The following ADAMTS12 variants were observed in gnomAD, a reference collection of about 807,000 sequenced individuals.
ADAMTS12 encodes the protein ADAM metallopeptidase with thrombospondin type 1 motif 12, also known as A disintegrin and metalloproteinase with thrombospondin motifs 12.
A neutral mutation model predicts 167.8 loss-of-function variants in ADAMTS12; 118 were observed. The observed-to-expected ratio is 0.70, with a 90% confidence interval of 0.61 to 0.82. The LOEUF is 0.82. Ranked by LOEUF, ADAMTS12 falls within the 40% of genes least tolerant of loss-of-function variation. ADAMTS12 has a pLI of 0.00. For missense variants in ADAMTS12, 1,916 were observed against 1,998.8 expected, an observed-to-expected ratio of 0.96 and a Z score of 0.79; for synonymous variants, 704 against 716.9, an observed-to-expected ratio of 0.98 and a Z score of 0.29.
chr5:33,550,559 T>G (rs184011407), intron 20 of ADAMTS12, among the ~76,000 whole-genome samples: 1 of 152,294 alleles, frequency 6.6e-6, no homozygotes, highest in East Asian at 1.9e-4. Context: ...ATGTCCTGAA[T>G]GTTCCTTCCT....
chr5:33,736,892 CAG>C (rs1744394941), intron 3 of ADAMTS12, among the ~76,000 whole-genome samples: 1 of 152,184 alleles, frequency 6.6e-6, no homozygotes, highest in Non-Finnish European at 1.5e-5. Flanking sequence ...AAGTTCTAAA[CAG>C]ACTGTCAGCA....
chr5:33,804,666 T>A (rs1747153571), intron 2 of ADAMTS12, among the ~76,000 whole-genome samples: 1 of 152,156 alleles, frequency 6.6e-6, no homozygotes, highest in South Asian at 2.1e-4. Context: ...TGATAAAATA[T>A]TTGCAATGCA....
chr5:33,772,101 C>T (rs963584785), intron 2 of ADAMTS12, among the ~76,000 whole-genome samples: 1 of 152,114 alleles, frequency 6.6e-6, no homozygotes, highest in Non-Finnish European at 1.5e-5. Flanking sequence ...AGGTGATATC[C>T]TCTCTGCGGC....
intron 20 of ADAMTS12, among the ~76,000 whole-genome samples, chr5:33,552,724 C>T (rs457359): frequency 0.66 from 100,803 of 152,024 alleles, 34,474 homozygotes; most frequent in African/African-American, 0.83. Context: ...GATCTGTTGG[C>T]CCATGTGTCT....
chr5:33,573,305 C>T (rs1307178), intron 19 of ADAMTS12, among the ~76,000 whole-genome samples: 1 of 152,128 alleles, frequency 6.6e-6, no homozygotes, highest in Non-Finnish European at 1.5e-5. Context: ...AATCCTAAGC[C>T]AAAAGAACAA....
rs1012630006 is a variant in ADAMTS12 at position 33,798,538 on chromosome 5, T to C, written c.490-46990A>G. On this transcript the variant is annotated intron_variant, in intron 2 of 23. Coordinates refer to ENST00000504830, the MANE Select transcript of ADAMTS12 (RefSeq NM_030955.4). ...TCACTGCAATCTCCGCCTCCCGGGTTTAAGTGATTCTCCCACCTCAGCCTC... is the reference window on the plus strand; with the variant it reads ...TCACTGCAATCTCCGCCTCCCGGGTCTAAGTGATTCTCCCACCTCAGCCTC... Among the ~76,000 whole-genome samples, 11 of 150,978 alleles carry C rather than the reference T, an allele frequency of 7.3e-5. 1 individual carries two copies. The highest frequency in any genetic ancestry group is 2.0e-4 in the East Asian group (1 of 5,068).
Position 33,882,434 on chromosome 5 carries a change from C to A in ADAMTS12, c.128-954G>T, listed in dbSNP as rs544436510. Among the ~76,000 whole-genome samples, 4 of 152,310 alleles carry A rather than the reference C, an allele frequency of 2.6e-5. No individual in the cohort carries two copies. The South Asian group carries it at 8.3e-4, about 32-fold the overall frequency. On this transcript the variant is annotated intron_variant, in intron 1 of 23. Transcript: ENST00000504830. ...AAGACTGGAACCCTTGATCCTTCCC[C>A]ACACAAGAACACATACACATTTTGA...
intron 2 of ADAMTS12, among the ~76,000 whole-genome samples, chr5:33,812,701 G>A (rs534845864): frequency 1.3e-5 from 2 of 152,252 alleles, no homozygotes; most frequent in South Asian, 2.1e-4. Context: ...TATAACAATG[G>A]TTCATATATT....
chr5:33,881,536 C>T, intron 1 of ADAMTS12, 56 bp from the exon 2 acceptor site: 1 of 1,548,906 alleles, frequency 6.5e-7, no homozygotes, highest in Non-Finnish European at 8.6e-7. Context: ...TAAAGCAAAG[C>T]CACTTTCGTT....
chr5:33,631,670 A>G (rs145492958), intron 12 of ADAMTS12, among the ~76,000 whole-genome samples: 78 of 152,352 alleles, frequency 5.1e-4, no homozygotes, highest in African/African-American at 1.7e-3. Context: ...AGAAAGATAG[A>G]TAACATTTAA....
intron 22 of ADAMTS12, among the ~76,000 whole-genome samples, 200 bp downstream of exon 22, chr5:33,545,859 C>T (rs1468326262): frequency 2.2e-4 from 7 of 31,184 alleles, no homozygotes; most frequent in Admixed American, 3.4e-4. Flanking sequence ...TGGGGCCTGT[C>T]GGGGGGTGGG....
At chr5:33,777,551 TGACAGGCCCTCA>T (rs1745958039) in intron 2 of ADAMTS12, among the ~76,000 whole-genome samples, 1 of 152,132 alleles carries the variant, frequency 6.6e-6, no homozygotes, top group African/African-American at 2.4e-5. Flanking sequence ...AGGCCATATA[TGACAGGCCCTCA>T]GCTAACAGAC....
At chr5:33,610,324 G>A (rs1003707370) in intron 16 of ADAMTS12, among the ~76,000 whole-genome samples, 2 of 152,112 alleles carry the variant, frequency 1.3e-5, no homozygotes, top group East Asian at 1.9e-4. Flanking sequence ...CCATATTTCC[G>A]GTTTCACATC....
intron 20 of ADAMTS12, among the ~76,000 whole-genome samples, chr5:33,555,878 T>TCAGGAACACTTTGAGCACCCTGACTG: frequency 6.6e-6 from 1 of 152,278 alleles, no homozygotes; most frequent in Non-Finnish European, 1.5e-5. Flanking sequence ...CCTCCAGAGT[T>TCAGGAACACTTTGAGCACCCTGACTG]CAGGAACACT....
At chr5:33,614,607 T>C (rs759668903) in intron 15 of ADAMTS12, among the ~76,000 whole-genome samples, 10 of 152,220 alleles carry the variant, frequency 6.6e-5, no homozygotes, top group Non-Finnish European at 1.2e-4. Context: ...ATATTTTCCA[T>C]CTAATTAGTT....
intron 2 of ADAMTS12, among the ~76,000 whole-genome samples, chr5:33,758,126 G>A (rs1424832063): frequency 1.3e-5 from 2 of 152,130 alleles, no homozygotes; most frequent in Non-Finnish European, 1.5e-5. Flanking sequence ...TCCATACATA[G>A]TAAGTGCCCG....
chr5:33,704,673 C>T (rs1743126147), intron 3 of ADAMTS12, among the ~76,000 whole-genome samples: 1 of 152,144 alleles, frequency 6.6e-6, no homozygotes, highest in Non-Finnish European at 1.5e-5. Flanking sequence ...TTTAGGTCCT[C>T]TGCCTAATTT....
Position 33,650,271 on chromosome 5 carries a change from A to G in ADAMTS12, c.1191-574T>C, listed in dbSNP as rs138530093. ...TCTGTATTTGAACTCCAGCCTTGCCACTTAAATGACCTGTAAATCATTAAA... is the reference window on the plus strand; with the variant it reads ...TCTGTATTTGAACTCCAGCCTTGCCGCTTAAATGACCTGTAAATCATTAAA... On this transcript the variant is annotated intron_variant, in intron 7 of 23. Coordinates refer to ENST00000504830, the MANE Select transcript of ADAMTS12 (RefSeq NM_030955.4). Among the ~76,000 whole-genome samples, 225 of 152,278 alleles carry G rather than the reference A, an allele frequency of 1.5e-3. 2 individuals carry two copies. The highest frequency in any genetic ancestry group is 5.3e-3 in the African/African-American group (221 of 41,558).
intron 5 of ADAMTS12, among the ~76,000 whole-genome samples, chr5:33,682,537 T>C (rs989765222): frequency 2.6e-5 from 4 of 152,220 alleles, no homozygotes; most frequent in African/African-American, 9.6e-5. Context: ...TATTAAGTCT[T>C]ATGTTTACTT....
Sources: gnomAD v4.1 joint callset for allele counts (sites outside exome capture counted in the v4.1 genomes callset) on GRCh38, gnomAD v4.1.1 for gene constraint, MANE v1.5 for transcripts, NCBI Gene and HGNC (gene_info 2026-07-23, HGNC 2026-07-21) for gene names.